SBF2: variants seen among roughly 807,000 people sequenced by gnomAD.
SBF2 encodes the protein SET binding factor 2, also known as myotubularin-related protein 13.
In SBF2, 112 loss-of-function variants were observed where a neutral mutation model predicts 225.2. That is an observed-to-expected ratio of 0.50 (90% CI 0.43 to 0.58). The LOEUF (loss-of-function observed/expected upper bound fraction) is 0.58. Among genes scored for constraint, SBF2 ranks in the 20% least tolerant of loss-of-function variants. The pLI is 0.00. For synonymous variants in SBF2, 763 were observed against 773.3 expected (o/e 0.99, Z 0.22); for missense variants, 1,996 against 2,206.2 (o/e 0.90, Z 1.91).
intron 2 of SBF2, among the ~76,000 whole-genome samples, chr11:10,188,442 G>A (rs1385361291): frequency 6.6e-6 from 1 of 152,120 alleles, no homozygotes; most frequent in Non-Finnish European, 1.5e-5. Context: ...GTTCTCTTTG[G>A]TCTTAAAGCA....
rs1852577908 is a variant in SBF2, at chr11:9,789,198, C to T, written c.4843G>A (p.Ala1615Thr). ...GTTCTCCTCTGGCTCCGTGGCCCAGCTTCTCCAGCCAGGTCAGAGTCTTCG... is the reference window on the plus strand; with the variant it reads ...GTTCTCCTCTGGCTCCGTGGCCCAGTTTCTCCAGCCAGGTCAGAGTCTTCG... ...PSEDSDLAGE[A>T]GPRSQRRTVW... Residue 1615 changes from alanine to threonine, a missense_variant, in exon 35 of 40, where the codon GCT (alanine) becomes ACT (threonine). Transcript: ENST00000256190. 3.7e-6 allele frequency: 6 copies of T among 1,614,194 alleles called. No homozygotes were observed. Among genetic ancestry groups the T allele is most frequent in the Non-Finnish European group, 5.1e-6 (6 of 1,180,040 alleles).
intron 16 of SBF2, among the ~76,000 whole-genome samples, chr11:9,933,739 A>C (rs570758720): frequency 6.8e-4 from 103 of 152,362 alleles, no homozygotes; most frequent in African/African-American, 2.3e-3. Flanking sequence ...CTAACATCAC[A>C]ATCAAAAGAA....
At chr11:9,812,840 A>T in intron 29 of SBF2, 132 bp from the exon 30 acceptor site, 1 of 855,144 alleles carries the variant, frequency 1.2e-6, no homozygotes, top group Non-Finnish European at 1.9e-6. Context: ...ATGGGTCAAG[A>T]AAGTCAATCT....
intron 2 of SBF2, among the ~76,000 whole-genome samples, chr11:10,188,841 A>T (rs1178076181): frequency 6.6e-6 from 1 of 152,194 alleles, no homozygotes; most frequent in Non-Finnish European, 1.5e-5. Flanking sequence ...CTTAAACTCC[A>T]TTTATATCCA....
intron 13 of SBF2, among the ~76,000 whole-genome samples, chr11:9,982,075 T>C (rs4910092): frequency 0.75 from 114,053 of 152,172 alleles, 43,202 homozygotes; most frequent in South Asian, 0.86. Flanking sequence ...TCACACTTTA[T>C]CACATCCGAG....
At chr11:9,885,316 A>T (rs1291841380) in intron 17 of SBF2, among the ~76,000 whole-genome samples, 1 of 147,712 alleles carries the variant, frequency 6.8e-6, no homozygotes, top group Non-Finnish European at 1.5e-5. Context: ...ATTACTTCCC[A>T]TTATTGAACA....
chr11:10,222,780 C>A (rs1236161455), intron 1 of SBF2, among the ~76,000 whole-genome samples: 1 of 152,122 alleles, frequency 6.6e-6, no homozygotes, highest in Non-Finnish European at 1.5e-5. Context: ...TTGCAAATTT[C>A]TTTTGTGAAA....
At chr11:9,919,904 T>C (rs1863463875) in intron 16 of SBF2, among the ~76,000 whole-genome samples, 4 of 152,082 alleles carry the variant, frequency 2.6e-5, no homozygotes, top group Admixed American at 2.0e-4. Flanking sequence ...GCTAATTTTG[T>C]ATTTTTAGTA....
chr11:10,230,374 G>C (rs1230631354), intron 1 of SBF2, among the ~76,000 whole-genome samples: 2 of 152,126 alleles, frequency 1.3e-5, no homozygotes, highest in South Asian at 2.1e-4. Flanking sequence ...TGGTTATTTT[G>C]CTTGTTAGTT....
chr11:9,859,803 G>T (rs1189953615), intron 17 of SBF2, among the ~76,000 whole-genome samples: 1 of 152,206 alleles, frequency 6.6e-6, no homozygotes, highest in Admixed American at 6.5e-5. Flanking sequence ...TGTAGTACCT[G>T]TGTAGTTAGA....
intron 2 of SBF2, among the ~76,000 whole-genome samples, chr11:10,057,352 G>A (rs1362668986): frequency 1.3e-5 from 2 of 152,130 alleles, no homozygotes; most frequent in Non-Finnish European, 2.9e-5. Context: ...AACTGCCCTT[G>A]TCACCCTTGG....
intron 28 of SBF2, among the ~76,000 whole-genome samples, chr11:9,826,145 G>T (rs1198512219): frequency 6.6e-6 from 1 of 152,140 alleles, no homozygotes; most frequent in Non-Finnish European, 1.5e-5. Flanking sequence ...ACTGCTAGTG[G>T]GTCCAAAAAG....
At chr11:10,130,404 C>A (rs1953982540) in intron 2 of SBF2, among the ~76,000 whole-genome samples, 1 of 151,656 alleles carries the variant, frequency 6.6e-6, no homozygotes, top group Non-Finnish European at 1.5e-5. Flanking sequence ...ACACTCTTAA[C>A]AATATACCCT....
chr11:9,885,579 A>T (rs2134099937), intron 17 of SBF2, among the ~76,000 whole-genome samples: 1 of 152,270 alleles, frequency 6.6e-6, no homozygotes. Flanking sequence ...CACAGTAGAC[A>T]TTAAAGCTTG....
intron 13 of SBF2, among the ~76,000 whole-genome samples, chr11:9,978,898 C>A (rs1276182583): frequency 6.6e-6 from 1 of 152,132 alleles, no homozygotes; most frequent in Non-Finnish European, 1.5e-5. Context: ...ACTCAGGAGG[C>A]TGAGGTAGGA....
chr11:10,034,594 T>G (rs1205901905), intron 3 of SBF2, among the ~76,000 whole-genome samples: 1 of 152,088 alleles, frequency 6.6e-6, no homozygotes, highest in Non-Finnish European at 1.5e-5. Context: ...ATCTTCTCTG[T>G]GCTATGTTCA....
chr11:10,187,330 G>GT (rs1956968487), intron 2 of SBF2, among the ~76,000 whole-genome samples: 1 of 148,124 alleles, frequency 6.8e-6, no homozygotes, highest in African/African-American at 2.5e-5. Flanking sequence ...CTCTCCCTGC[G>GT]TCCCCTCTCC....
chr11:9,875,067 G>A (rs1248760836), intron 17 of SBF2, among the ~76,000 whole-genome samples: 1 of 152,186 alleles, frequency 6.6e-6, no homozygotes, highest in Non-Finnish European at 1.5e-5. Context: ...GATTAAGACT[G>A]AGCCTCTAGA....
chr11:9,813,162 T>A (rs1273701742), intron 29 of SBF2, among the ~76,000 whole-genome samples: 1 of 152,232 alleles, frequency 6.6e-6, no homozygotes, highest in African/African-American at 2.4e-5. Context: ...AACACACTGT[T>A]GGAGTTCCAG....
Sources: gnomAD v4.1 joint callset for allele counts (sites outside exome capture counted in the v4.1 genomes callset) on GRCh38, gnomAD v4.1.1 for gene constraint, MANE v1.5 for transcripts, NCBI Gene and HGNC (gene_info 2026-07-23, HGNC 2026-07-21) for gene names.